RIC1: variants seen among roughly 807,000 people sequenced by gnomAD.
RIC1 encodes the protein RIC1 partner of RAB6A GEF complex, also known as guanine nucleotide exchange factor subunit RIC1.
Under a neutral mutation model 169.0 loss-of-function variants are expected in RIC1, and 88 were observed. That is an observed-to-expected ratio of 0.52 (90% CI 0.44 to 0.62). The LOEUF (loss-of-function observed/expected upper bound fraction) is 0.62. RIC1 is among the 20% of genes least tolerant of loss of function. The pLI, the probability that RIC1 is intolerant of heterozygous loss-of-function variation, is 0.00. For missense variants in RIC1, 1,877 were observed against 1,725.5 expected, an observed-to-expected ratio of 1.09 and a Z score of -1.56; for synonymous variants, 790 against 601.5, an observed-to-expected ratio of 1.31 and a Z score of -4.59.
At chr9:5,757,272 G>T in intron 16 of RIC1, 41 bp from the exon 17 acceptor site, 1 of 1,607,962 alleles carries the variant, frequency 6.2e-7, no homozygotes, top group Non-Finnish European at 8.5e-7. Context: ...AATCTTATTA[G>T]CATTGTTGTT....
chr9:5,676,488 A>G (rs1649264765), intron 2 of RIC1, among the ~76,000 whole-genome samples: 1 of 152,196 alleles, frequency 6.6e-6, no homozygotes, highest in Non-Finnish European at 1.5e-5. Context: ...ATACTTTTAT[A>G]TTCCCATCAT....
intron 2 of RIC1, among the ~76,000 whole-genome samples, chr9:5,685,355 C>A (rs563489616): frequency 6.6e-6 from 1 of 151,894 alleles, no homozygotes; most frequent in East Asian, 1.9e-4. Flanking sequence ...CTGGAGGCAT[C>A]ACACTACCTG....
chr9:5,732,995 C>T (rs1824462015), intron 7 of RIC1, among the ~76,000 whole-genome samples: 1 of 151,764 alleles, frequency 6.6e-6, no homozygotes, highest in African/African-American at 2.4e-5. Flanking sequence ...CACATACCAG[C>T]CATAGTTCTA....
chr9:5,741,422 A>G (rs1044830436), intron 8 of RIC1, among the ~76,000 whole-genome samples: 5 of 152,148 alleles, frequency 3.3e-5, no homozygotes, highest in Non-Finnish European at 7.4e-5. Context: ...CCTCTCCCCT[A>G]ATCTATTTTC....
At chr9:5,732,318 G>A in intron 6 of RIC1, 70 bp from the exon 7 acceptor site, 3 of 1,148,702 alleles carry the variant, frequency 2.6e-6, no homozygotes, top group Middle Eastern at 2.0e-4. Flanking sequence ...TTTATTGAAG[G>A]AGAATTATAT....
At chr9:5,727,107 C>G (rs1300016728) in intron 6 of RIC1, among the ~76,000 whole-genome samples, 1 of 152,170 alleles carries the variant, frequency 6.6e-6, no homozygotes, top group African/African-American at 2.4e-5. Context: ...GTCTGCCTTG[C>G]TAGGTTGGGG....
intron 6 of RIC1, among the ~76,000 whole-genome samples, chr9:5,721,879 CTTTT>C (rs942620814): frequency 2.7e-5 from 4 of 149,826 alleles, no homozygotes; most frequent in African/African-American, 7.3e-5. Context: ...TTCATTTCAT[CTTTT>C]TTGTTTTCTT....
intron 3 of RIC1, among the ~76,000 whole-genome samples, chr9:5,706,353 A>T (rs1586985410): frequency 6.6e-6 from 1 of 152,084 alleles, no homozygotes; most frequent in Non-Finnish European, 1.5e-5. Flanking sequence ...TCGGGAGGCT[A>T]AGGCAGGAGA....
chr9:5,765,000 T>A (rs1480281806), intron 19 of RIC1: 2 of 155,984 alleles, frequency 1.3e-5, no homozygotes, highest in African/African-American at 4.8e-5. Flanking sequence ...AGTCACATCC[T>A]CAGAAAACTC....
At chr9:5,685,825 C>T (rs1419041071) in intron 2 of RIC1, among the ~76,000 whole-genome samples, 2 of 137,214 alleles carry the variant, frequency 1.5e-5, no homozygotes, top group African/African-American at 5.2e-5. Flanking sequence ...AAACTACCAT[C>T]AGAGTGAACA....
At chr9:5,751,203 A>G (rs192226529) in intron 12 of RIC1, among the ~76,000 whole-genome samples, 29 of 151,904 alleles carry the variant, frequency 1.9e-4, no homozygotes, top group Middle Eastern at 3.4e-3. Flanking sequence ...AGTGCAATGG[A>G]TGATTGACAC....
At chr9:5,730,318 G>C (rs1824287835) in intron 6 of RIC1, among the ~76,000 whole-genome samples, 1 of 152,118 alleles carries the variant, frequency 6.6e-6, no homozygotes, top group Non-Finnish European at 1.5e-5. Context: ...ACAGTAAAGA[G>C]TTGCCAGACT....
At chr9:5,648,720 A>T (rs1818653976) in intron 1 of RIC1, among the ~76,000 whole-genome samples, 2 of 152,100 alleles carry the variant, frequency 1.3e-5, no homozygotes, top group Admixed American at 1.3e-4. Context: ...CTGGGTTAAG[A>T]TGATATCTTG....
At chr9:5,762,323 C>CTT (rs1380743414) in intron 17 of RIC1, among the ~76,000 whole-genome samples, 1 of 152,204 alleles carries the variant, frequency 6.6e-6, no homozygotes, top group East Asian at 1.9e-4. Context: ...TCTTATGTCA[C>CTT]TGGTGGTGTT....
chr9:5,694,078 C>T (rs143882286), intron 3 of RIC1, among the ~76,000 whole-genome samples: 3 of 152,296 alleles, frequency 2.0e-5, no homozygotes, highest in African/African-American at 7.2e-5. Context: ...GGCAATACTT[C>T]TTACCAGCTC....
Position 5,747,433 on chromosome 9 carries a change from A to G in RIC1, c.1380A>G (p.Pro460=), listed in dbSNP as rs1249223829. The part of the protein sequence containing the change: ...SEHKPSREKS[P]FADGGLESQG... ...ATAAGCCCAGTCGAGAAAAGAGCCCATTTGCAGATGGAGGTTTAGAGTCTC... is the reference window on the plus strand; with the variant it reads ...ATAAGCCCAGTCGAGAAAAGAGCCCGTTTGCAGATGGAGGTTTAGAGTCTC... Residue 460 remains proline, a synonymous_variant, in exon 12 of 26, where the codon CCA becomes CCG. Coordinates refer to ENST00000414202, the MANE Select transcript of RIC1 (RefSeq NM_020829.4). The G allele has an allele frequency of 2.5e-6, 4 of 1,614,118 alleles. No homozygotes were observed. The highest frequency in any genetic ancestry group is 3.4e-6 in the Non-Finnish European group (4 of 1,179,956).
At position 5,732,429 on chromosome 9, in the gene RIC1, G is replaced by T. The variant is rs1254205907; in HGVS notation, c.762G>T (p.Thr254=). ...GGCCACAAGATGTTGTTGACGGAAC[G>T]TGTGTAGCAGTAAATAACAAGTATC... ...GVWPQDVVDG[T]CVAVNNKYRL... The change falls in exon 7 of 26, where the codon ACG becomes ACT. Residue 254 remains threonine (T), a synonymous_variant. Coordinates refer to ENST00000414202, the MANE Select transcript of RIC1 (RefSeq NM_020829.4). The T allele has an allele frequency of 2.5e-6, 4 of 1,612,074 alleles. No homozygotes were observed. Among genetic ancestry groups the T allele is most frequent in the Admixed American group, 1.7e-5 (1 of 59,724 alleles).
intron 4 of RIC1, among the ~76,000 whole-genome samples, chr9:5,717,508 A>G (rs1348883278): frequency 6.6e-6 from 1 of 152,144 alleles, no homozygotes; most frequent in Non-Finnish European, 1.5e-5. Flanking sequence ...AATCCGGGAG[A>G]ACAGACTTCA....
chr9:5,673,385 A>G (rs1035276543), intron 2 of RIC1, among the ~76,000 whole-genome samples: 31 of 151,836 alleles, frequency 2.0e-4, no homozygotes, highest in Non-Finnish European at 4.4e-4. Context: ...GAATTCTAGG[A>G]ACAAGTAGAG....
Sources: gnomAD v4.1 joint callset for allele counts (sites outside exome capture counted in the v4.1 genomes callset) on GRCh38, gnomAD v4.1.1 for gene constraint, MANE v1.5 for transcripts, NCBI Gene and HGNC (gene_info 2026-07-23, HGNC 2026-07-21) for gene names.